The following SLC12A2 variants were observed in gnomAD, a reference collection of about 807,000 sequenced individuals.
SLC12A2 encodes the protein solute carrier family 12 member 2, also known as Na-K-2Cl cotransporter 1.
A neutral mutation model predicts 136.3 loss-of-function variants in SLC12A2; 67 were observed. The ratio of observed to expected loss-of-function variants is 0.49; its 90% confidence interval spans 0.40 to 0.60. The LOEUF is 0.60. Among genes scored for constraint, SLC12A2 ranks in the 20% least tolerant of loss-of-function variants. The pLI, the probability that SLC12A2 is intolerant of heterozygous loss-of-function variation, is 0.00. For missense variants in SLC12A2, 1,322 were observed against 1,534.7 expected (o/e 0.86, Z 2.32); for synonymous variants, 619 against 562.9 (o/e 1.10, Z -1.41).
intron 1 of SLC12A2, among the ~76,000 whole-genome samples, chr5:128,105,797 C>G (rs910305525): frequency 6.6e-6 from 1 of 152,128 alleles, no homozygotes; most frequent in Non-Finnish European, 1.5e-5. Context: ...TCTACATACT[C>G]AGAAAAGTGT....
At chr5:128,155,878 T>C (rs1224062615) in intron 15 of SLC12A2, among the ~76,000 whole-genome samples, 1 of 152,126 alleles carries the variant, frequency 6.6e-6, no homozygotes, top group Non-Finnish European at 1.5e-5. Context: ...TGCTTGTAGG[T>C]AGAGAGTTCT....
intron 4 of SLC12A2, among the ~76,000 whole-genome samples, chr5:128,123,223 C>T (rs1458815633): frequency 6.6e-6 from 1 of 152,060 alleles, no homozygotes; most frequent in East Asian, 1.9e-4. Context: ...TAAGATAACA[C>T]CTAATCCTGG....
intron 19 of SLC12A2, among the ~76,000 whole-genome samples, chr5:128,173,505 A>G (rs1763445604): frequency 6.6e-6 from 1 of 152,196 alleles, no homozygotes. Flanking sequence ...ATTATTCATC[A>G]TTAAGTTTTA....
At chr5:128,143,905 TATA>T (rs1463878753) in intron 10 of SLC12A2, among the ~76,000 whole-genome samples, 1 of 141,884 alleles carries the variant, frequency 7.0e-6, no homozygotes, top group Non-Finnish European at 1.6e-5. Context: ...TAAAATTATT[TATA>T]ATAAAATTAT....
chr5:128,183,075 T>C (rs1185201916), intron 24 of SLC12A2, 134 bp downstream of exon 24: 1 of 561,010 alleles, frequency 1.8e-6, no homozygotes, highest in African/African-American at 1.9e-5. Context: ...AATCTAGCAT[T>C]GATAGTTGGC....
intron 1 of SLC12A2, among the ~76,000 whole-genome samples, chr5:128,098,660 G>A (rs915719322): frequency 6.6e-6 from 1 of 151,538 alleles, no homozygotes; most frequent in Non-Finnish European, 1.5e-5. Context: ...TGTTCTAAAA[G>A]GCACTTTTTA....
At chr5:128,117,624 G>C (rs1274373585) in intron 4 of SLC12A2, among the ~76,000 whole-genome samples, 1 of 152,100 alleles carries the variant, frequency 6.6e-6, no homozygotes, top group Non-Finnish European at 1.5e-5. Flanking sequence ...AGAAATTCTA[G>C]GAGATAACAT....
intron 16 of SLC12A2, 104 bp downstream of exon 16, chr5:128,158,268 A>C (rs1762927003): frequency 2.5e-6 from 2 of 815,558 alleles, no homozygotes; most frequent in Non-Finnish European, 3.9e-6. Context: ...TGTGTGTCAC[A>C]GGGGTTTGGT....
intron 19 of SLC12A2, among the ~76,000 whole-genome samples, chr5:128,172,967 AAAC>A (rs1057012436): frequency 2.6e-5 from 4 of 151,896 alleles, no homozygotes; most frequent in African/African-American, 9.7e-5. Context: ...AAAAAACAAA[AAAC>A]AAAAAACAAA....
At chr5:128,088,718 A>G (rs537952315) in intron 1 of SLC12A2, among the ~76,000 whole-genome samples, 1 of 152,324 alleles carries the variant, frequency 6.6e-6, no homozygotes, top group South Asian at 2.1e-4. Context: ...GGGTTTCTAT[A>G]TGATTCCTGT....
chr5:128,115,244 C>G lies in SLC12A2; in HGVS notation c.1048+563C>G, dbSNP rs371197431. ...GGTTTAAGTGATTCTTCTGCATCAG[C>G]CTCCTGAGTAGCTAGGATTACAGAC... On this transcript the variant is annotated intron_variant, in intron 4 of 26. Transcript: ENST00000262461. Among the ~76,000 whole-genome samples, 6 of 152,310 alleles carry G rather than the reference C, an allele frequency of 3.9e-5. No individual in the cohort carries two copies. The East Asian group carries it at 9.7e-4, about 25-fold the overall frequency.
intron 10 of SLC12A2, among the ~76,000 whole-genome samples, chr5:128,147,082 CTTTT>C (rs34232629): frequency 3.0e-5 from 4 of 132,058 alleles, no homozygotes; most frequent in Admixed American, 7.6e-5. Flanking sequence ...AATGTGTAAC[CTTTT>C]TTTTTTTTTT....
intron 23 of SLC12A2, among the ~76,000 whole-genome samples, chr5:128,182,459 A>AGATAAGTGT (rs1188825853): frequency 3.3e-5 from 5 of 152,248 alleles, no homozygotes. Flanking sequence ...TTGGGCCCTG[A>AGATAAGTGT]GATAAGTGTT....
chr5:128,117,993 T>G (rs764245581), intron 4 of SLC12A2, among the ~76,000 whole-genome samples: 1 of 151,892 alleles, frequency 6.6e-6, no homozygotes. Flanking sequence ...ATCAGAGAAA[T>G]GCAAATTAAA....
At chr5:128,102,160 G>A (rs1353270894) in intron 1 of SLC12A2, among the ~76,000 whole-genome samples, 4 of 151,594 alleles carry the variant, frequency 2.6e-5, no homozygotes, top group Non-Finnish European at 4.4e-5. Flanking sequence ...TTAATGTCAG[G>A]CAGTGTACTA....
intron 10 of SLC12A2, among the ~76,000 whole-genome samples, chr5:128,144,044 T>C (rs1762451871): frequency 6.6e-6 from 1 of 152,036 alleles, no homozygotes; most frequent in South Asian, 2.1e-4. Flanking sequence ...GGCAAAATTG[T>C]AGGAATGAAA....
rs70997365 is a variant in SLC12A2 at position 128,179,948 on chromosome 5, C to CTT, written c.3101-897_3101-896dup. On this transcript the variant is annotated intron_variant, in intron 22 of 26. Coordinates refer to ENST00000262461, the MANE Select transcript of SLC12A2 (RefSeq NM_001046.3). ...TCCATTTATCATGTCCCAATCGTTC[C>CTT]TTTTTTTTTTTTTTTTTTTTTTTTT... Among the ~76,000 whole-genome samples the CTT allele has an allele frequency of 1.2e-4, 6 of 50,482 alleles. 1 individual carries two copies. The highest frequency in any genetic ancestry group is 2.0e-4 in the Non-Finnish European group (5 of 24,896). 33.1% of individuals were successfully genotyped at this position (50,482 alleles called of 152,430 possible).
At position 128,152,690 on chromosome 5, in the gene SLC12A2, C is replaced by T. The variant is rs1199836771; in HGVS notation, c.2264-16C>T. ...ATTACTGATGTTAATGCTGCATGAA[C>T]ATTATCTTCCCACAGATGTGAATTG... On this transcript the variant is annotated splice_polypyrimidine_tract_variant and intron_variant, in intron 14 of 26. Coordinates refer to ENST00000262461, the MANE Select transcript of SLC12A2 (RefSeq NM_001046.3). The T allele has an allele frequency of 1.1e-5, 17 of 1,515,768 alleles. No homozygotes were observed. The highest frequency in any genetic ancestry group is 1.5e-5 in the Non-Finnish European group (16 of 1,090,554). 93.9% of individuals were successfully genotyped at this position (1,515,768 alleles called of 1,614,324 possible). A position where few individuals can be genotyped will look rare whatever the true frequency, so the allele number is the denominator to read the frequency against.
intron 1 of SLC12A2, among the ~76,000 whole-genome samples, chr5:128,106,705 CAT>C (rs1390217919): frequency 6.6e-6 from 1 of 152,072 alleles, no homozygotes; most frequent in African/African-American, 2.4e-5. Flanking sequence ...GTTCTTACAA[CAT>C]AGTTGTATGT....
Sources: gnomAD v4.1 joint callset for allele counts (sites outside exome capture counted in the v4.1 genomes callset) on GRCh38, gnomAD v4.1.1 for gene constraint, MANE v1.5 for transcripts, NCBI Gene and HGNC (gene_info 2026-07-23, HGNC 2026-07-21) for gene names.